Variants in CNBD1 observed in about 807,000 individuals in gnomAD.
CNBD1 encodes the protein cyclic nucleotide-binding domain-containing protein 1.
A neutral mutation model predicts 54.4 loss-of-function variants in CNBD1; 71 were observed. The ratio of observed to expected loss-of-function variants is 1.30; its 90% CI spans 1.08 to 1.59. The LOEUF is 1.59. CNBD1 is among the 40% of genes most tolerant of loss of function. The pLI is 0.00. For synonymous variants in CNBD1, 182 were observed against 170.7 expected (o/e 1.07, Z -0.51); for missense variants, 659 against 518.0 (o/e 1.27, Z -2.64).
intron 4 of CNBD1, among the ~76,000 whole-genome samples, chr8:87,186,300 CAAT>C (rs929986801): frequency 3.3e-5 from 5 of 152,068 alleles, no homozygotes; most frequent in African/African-American, 1.2e-4. Context: ...TTCCTCATCT[CAAT>C]AAATTCTGCA....
intron 8 of CNBD1, among the ~76,000 whole-genome samples, chr8:87,337,800 A>C (rs551474593): frequency 6.6e-6 from 1 of 152,188 alleles, no homozygotes; most frequent in African/African-American, 2.4e-5. Flanking sequence ...CCAGCCACCT[A>C]GTCAGTTCTA....
At chr8:87,018,098 C>T (rs1809405814) in intron 4 of CNBD1, among the ~76,000 whole-genome samples, 1 of 152,064 alleles carries the variant, frequency 6.6e-6, no homozygotes, top group Admixed American at 6.6e-5. Context: ...GCAAAATTAG[C>T]CAGGCATGGT....
At chr8:87,372,312 G>A (rs546784394) in intron 10 of CNBD1, among the ~76,000 whole-genome samples, 4 of 152,012 alleles carry the variant, frequency 2.6e-5, no homozygotes, top group South Asian at 2.1e-4. Flanking sequence ...TTTATGATGG[G>A]CCCTGTTGTA....
At chr8:87,090,282 CT>C (rs984050039) in intron 4 of CNBD1, among the ~76,000 whole-genome samples, 4 of 152,146 alleles carry the variant, frequency 2.6e-5, no homozygotes, top group African/African-American at 9.7e-5. Flanking sequence ...AATATATTGT[CT>C]CTTAAGAATG....
intron 4 of CNBD1, among the ~76,000 whole-genome samples, chr8:87,186,160 AT>A (rs535713134): frequency 6.6e-6 from 1 of 151,996 alleles, no homozygotes; most frequent in Non-Finnish European, 1.5e-5. Context: ...TCTAATTTTA[AT>A]TTTTTTCTAT....
rs555833012 is a variant in CNBD1 at position 87,401,053 on chromosome 8, C to T, written c.214-27493C>T. On this transcript the variant is annotated intron_variant, in intron 2 of 7. Transcript: ENST00000521593. ...AATTTATCTCAGTTTAAAGCCATCA[C>T]TTTGTGAACTAGAGAGTGATTAGTG... Among the ~76,000 whole-genome samples the T allele has an allele frequency of 2.6e-5, 4 of 152,108 alleles. No homozygotes were observed. The South Asian group carries it at 8.3e-4, about 32-fold the overall frequency.
rs769229809 is a variant in CNBD1, at chr8:86,939,675, G to A, written c.352G>A (p.Ala118Thr). The A allele has an allele frequency of 1.1e-5, 17 of 1,604,304 alleles. No homozygotes were observed. Among genetic ancestry groups the A allele is most frequent in the Non-Finnish European group, 1.4e-5 (16 of 1,173,630 alleles). Residue 118 changes from alanine to threonine, a missense_variant, in exon 4 of 11, where the codon GCA (alanine) becomes ACA (threonine). Transcript: ENST00000518476. ...CAATATAGCTGTCCATGTTCAGAGA[G>A]CACATGGTGGCCATATTTTATATAG... is the stretch of plus-strand genomic sequence containing the variant. ...SNNIAVHVQR[A>T]HGGHILYRPK...
intron 4 of CNBD1, among the ~76,000 whole-genome samples, chr8:87,171,246 G>A (rs149720291): frequency 1.1e-4 from 16 of 152,040 alleles, no homozygotes; most frequent in African/African-American, 3.6e-4. Flanking sequence ...GTTCAATCTT[G>A]GTAGGTTGTG....
chr8:86,994,015 T>C (rs1331782982), intron 4 of CNBD1, among the ~76,000 whole-genome samples: 1 of 152,148 alleles, frequency 6.6e-6, no homozygotes, highest in Non-Finnish European at 1.5e-5. Context: ...GCCACACCTT[T>C]TCCAGCCCAG....
chr8:87,394,109 A>G (rs1458644615), intron 2 of CNBD1, among the ~76,000 whole-genome samples: 1 of 151,880 alleles, frequency 6.6e-6, no homozygotes, highest in Non-Finnish European at 1.5e-5. Context: ...ATATTTTGCC[A>G]TTTGTTGATA....
chr8:87,288,678 T>C (rs1159281704), intron 8 of CNBD1, among the ~76,000 whole-genome samples: 2 of 152,096 alleles, frequency 1.3e-5, no homozygotes, highest in Non-Finnish European at 2.9e-5. Context: ...AAGTTCTTTT[T>C]TGTAAATATC....
At chr8:87,088,100 G>A (rs983600622) in intron 4 of CNBD1, among the ~76,000 whole-genome samples, 7 of 152,156 alleles carry the variant, frequency 4.6e-5, no homozygotes, top group African/African-American at 1.2e-4. Context: ...CAAAGGCCTA[G>A]TTTGTATGTG....
chr8:86,897,426 C>A (rs1020960578), intron 2 of CNBD1, among the ~76,000 whole-genome samples: 10 of 152,022 alleles, frequency 6.6e-5, no homozygotes, highest in African/African-American at 2.2e-4. Flanking sequence ...AAAGAGCAGA[C>A]ATGGTATGGA....
chr8:87,416,033 G>T (rs1807828445), intron 2 of CNBD1, among the ~76,000 whole-genome samples: 1 of 151,398 alleles, frequency 6.6e-6, no homozygotes, highest in African/African-American at 2.4e-5. Context: ...AGATTTCAAG[G>T]CGGAAAAAAG....
At chr8:87,391,591 T>C (rs1326442531) in intron 2 of CNBD1, among the ~76,000 whole-genome samples, 1 of 152,030 alleles carries the variant, frequency 6.6e-6, no homozygotes, top group Non-Finnish European at 1.5e-5. Context: ...GATAATTCAA[T>C]AGGGGAAGAA....
chr8:87,354,365 C>T (rs1810376431), intron 10 of CNBD1, among the ~76,000 whole-genome samples: 1 of 151,822 alleles, frequency 6.6e-6, no homozygotes, highest in Admixed American at 6.6e-5. Context: ...GGGACCTGGG[C>T]CTCATGAGGG....
intron 6 of CNBD1, among the ~76,000 whole-genome samples, chr8:87,242,949 G>C (rs919026755): frequency 3.9e-5 from 6 of 152,182 alleles, no homozygotes; most frequent in Admixed American, 3.3e-4. Context: ...AAAAAGGACA[G>C]GGTGGAGGGA....
chr8:86,905,179 A>T lies in CNBD1; in HGVS notation c.257A>T (p.Lys86Ile). The change falls in exon 3 of 11, where the codon AAA (lysine) becomes ATA (isoleucine). Residue 86 changes from lysine to isoleucine, a missense_variant. Physicochemically the swap from Lys to Ile is moderately radical, Grantham distance 102 (BLOSUM62 -3). Transcript: ENST00000518476. Reference sequence around the variant, plus strand: ...AAACCCAGACTTCCTAAACTTTTCAAACAGGAGGAACAAAGGTAATGATAC... The same window carrying T: ...AAACCCAGACTTCCTAAACTTTTCATACAGGAGGAACAAAGGTAATGATAC... The part of the protein sequence containing the change: ...HQKPRLPKLF[K>I]QEEQRELNEG... 6 of 1,594,888 alleles carry T rather than the reference A, an allele frequency of 3.8e-6. No homozygotes were observed. The highest frequency in any genetic ancestry group is 4.3e-6 in the Non-Finnish European group (5 of 1,163,382).
At chr8:87,041,573 CG>C (rs1810068786) in intron 4 of CNBD1, among the ~76,000 whole-genome samples, 1 of 152,032 alleles carries the variant, frequency 6.6e-6, no homozygotes, top group Non-Finnish European at 1.5e-5. Flanking sequence ...CCAAGGCAGG[CG>C]GATCATGAGG....
Sources: gnomAD v4.1 joint callset for allele counts (sites outside exome capture counted in the v4.1 genomes callset) on GRCh38, gnomAD v4.1.1 for gene constraint, MANE v1.5 for transcripts, NCBI Gene and HGNC (gene_info 2026-07-23, HGNC 2026-07-21) for gene names.